Variants in LRRTM3 observed in about 807,000 individuals in gnomAD.
LRRTM3 encodes leucine-rich repeat transmembrane neuronal protein 3.
LRRTM3 carries 24 observed loss-of-function variants against 44.7 expected under a neutral mutation model. That is an observed-to-expected ratio of 0.54 (90% CI 0.39 to 0.76). The LOEUF (loss-of-function observed/expected upper bound fraction) is 0.76. Among genes scored for constraint, LRRTM3 ranks in the 30% least tolerant of loss-of-function variants. The probability of loss-of-function intolerance (pLI) is 0.00; values close to 1 mark genes in which losing one functional copy is unlikely to be tolerated. For synonymous variants in LRRTM3, 277 were observed against 278.7 expected (o/e 0.99, Z 0.06); for missense variants, 587 against 702.2 (o/e 0.84, Z 1.85).
intron 2 of LRRTM3, among the ~76,000 whole-genome samples, chr10:67,021,576 T>C (rs1345851975): frequency 1.3e-5 from 2 of 152,062 alleles, no homozygotes; most frequent in Non-Finnish European, 2.9e-5. Context: ...AAAATTATAA[T>C]CATGAAAGTT....
At chr10:66,972,532 C>T (rs1429547822) in intron 2 of LRRTM3, among the ~76,000 whole-genome samples, 6 of 151,844 alleles carry the variant, frequency 4.0e-5, no homozygotes, top group East Asian at 1.9e-4. Flanking sequence ...CATTTGCTCT[C>T]GGAGAATAGT....
chr10:67,029,076 C>T (rs1333995279), intron 2 of LRRTM3, among the ~76,000 whole-genome samples: 1 of 152,108 alleles, frequency 6.6e-6, no homozygotes, highest in Admixed American at 6.6e-5. Context: ...GAGCACACTA[C>T]GGTGAGTTCA....
intron 2 of LRRTM3, among the ~76,000 whole-genome samples, chr10:66,948,922 G>T (rs943401046): frequency 8.5e-5 from 13 of 152,098 alleles, no homozygotes; most frequent in African/African-American, 2.7e-4. Flanking sequence ...ATTAGGCTTT[G>T]TATTAATTTT....
chr10:67,054,731 A>C (rs2133198626), intron 2 of LRRTM3: 1 of 152,252 alleles, frequency 6.6e-6, no homozygotes, highest in South Asian at 2.1e-4. Flanking sequence ...CAATCGAAGT[A>C]CAACACTTCT....
intron 2 of LRRTM3, among the ~76,000 whole-genome samples, chr10:67,059,100 T>A (rs1282468293): frequency 1.3e-5 from 2 of 152,198 alleles, no homozygotes; most frequent in Non-Finnish European, 2.9e-5. Flanking sequence ...GTCTTGAGAA[T>A]CTAATCCTTT....
At chr10:66,976,253 G>T (rs544693138) in intron 2 of LRRTM3, among the ~76,000 whole-genome samples, 33 of 152,242 alleles carry the variant, frequency 2.2e-4, no homozygotes, top group African/African-American at 7.9e-4. Context: ...CATAGAAATG[G>T]AATGGCGGCA....
chr10:66,941,868 TA>T (rs1017576737), intron 2 of LRRTM3, among the ~76,000 whole-genome samples: 1 of 152,152 alleles, frequency 6.6e-6, no homozygotes, highest in South Asian at 2.1e-4. Flanking sequence ...GAGGATGACC[TA>T]AAAAAACCAC....
chr10:66,943,193 G>A (rs935741272), intron 2 of LRRTM3, among the ~76,000 whole-genome samples: 1 of 152,192 alleles, frequency 6.6e-6, no homozygotes, highest in African/African-American at 2.4e-5. Context: ...GAAAAGAGCA[G>A]AGACGAGAAA....
At chr10:67,088,734 G>C (rs568552590) in intron 2 of LRRTM3, among the ~76,000 whole-genome samples, 1 of 151,892 alleles carries the variant, frequency 6.6e-6, no homozygotes, top group African/African-American at 2.4e-5. Flanking sequence ...ACCACTAAAA[G>C]AATTATTATT....
At position 67,084,052 on chromosome 10, in the gene LRRTM3, T is replaced by C. The variant is rs181480900; in HGVS notation, c.1537-13535T>C. 4.2e-3 allele frequency among the ~76,000 whole-genome samples: 646 copies of C among 152,238 alleles called. 4 individuals carry two copies. The highest frequency in any genetic ancestry group is 0.017 in the Middle Eastern group (5 of 294). Reference sequence around the variant, plus strand: ...TTTGCAACACTTTTCAGGGAGAAGGTAGGATCAGGAGCTCCAGTGTTTCCT... The same window carrying C: ...TTTGCAACACTTTTCAGGGAGAAGGCAGGATCAGGAGCTCCAGTGTTTCCT... On this transcript the variant is annotated intron_variant, in intron 2 of 2. Transcript: ENST00000361320.
chr10:66,978,098 T>C (rs778385806), intron 2 of LRRTM3, among the ~76,000 whole-genome samples: 1 of 151,540 alleles, frequency 6.6e-6, no homozygotes, highest in African/African-American at 2.4e-5. Flanking sequence ...ACACATGCGA[T>C]GACGTTCCTG....
chr10:67,058,053 G>A (rs1274180392), intron 2 of LRRTM3, among the ~76,000 whole-genome samples: 1 of 152,076 alleles, frequency 6.6e-6, no homozygotes, highest in Non-Finnish European at 1.5e-5. Context: ...GTGTCCCCAA[G>A]ACCTGTCATG....
Position 67,097,574 on chromosome 10 carries a change from C to T in LRRTM3, c.1537-13C>T. On this transcript the variant is annotated splice_polypyrimidine_tract_variant and intron_variant, in intron 2 of 2. Coordinates refer to ENST00000361320, the MANE Select transcript of LRRTM3 (RefSeq NM_178011.5). Reference sequence around the variant, plus strand: ...TTTTTATAACTGACTTTTCTCATGTCATTTTTCCCCAGATACCTTTATCAA... The same window carrying T: ...TTTTTATAACTGACTTTTCTCATGTTATTTTTCCCCAGATACCTTTATCAA... 6.2e-7 allele frequency: 1 copy of T among 1,609,998 alleles called. No individual in the cohort carries two copies. The highest frequency in any genetic ancestry group is 8.5e-7 in the Non-Finnish European group (1 of 1,177,342).
In LRRTM3 at chr10:66,936,173, C is replaced by T. The variant is rs16923801; in HGVS notation, c.1536+7721C>T. ...ATTTTTATGGGCTTTACTCTGGTCA[C>T]TTTTATGGTCTAACACACACAGATG... On this transcript the variant is annotated intron_variant, in intron 2 of 2. Coordinates refer to ENST00000361320, the MANE Select transcript of LRRTM3 (RefSeq NM_178011.5). Among the ~76,000 whole-genome samples, 1,431 of 152,212 alleles carry T rather than the reference C, an allele frequency of 9.4e-3. 95 individuals are homozygous for T. Among genetic ancestry groups the T allele is most frequent in the Admixed American group, 0.082 (1,256 of 15,250 alleles).
At chr10:67,076,794 AC>A (rs1432599060) in intron 2 of LRRTM3, among the ~76,000 whole-genome samples, 1 of 152,188 alleles carries the variant, frequency 6.6e-6, no homozygotes, top group Non-Finnish European at 1.5e-5. Context: ...TGTTCAACTT[AC>A]CTTTAGAAAA....
chr10:67,008,659 C>A (rs1852147026), intron 2 of LRRTM3, among the ~76,000 whole-genome samples: 1 of 152,154 alleles, frequency 6.6e-6, no homozygotes, highest in African/African-American at 2.4e-5. Context: ...CTGGCTCTTA[C>A]AAGCTTGTTG....
At chr10:67,060,830 A>G (rs1855715309) in intron 2 of LRRTM3, among the ~76,000 whole-genome samples, 1 of 148,944 alleles carries the variant, frequency 6.7e-6, no homozygotes. Context: ...GTGTACATAT[A>G]TGACATGAAA....
At chr10:67,054,774 A>C (rs1855323346) in intron 2 of LRRTM3, 1 of 152,120 alleles carries the variant, frequency 6.6e-6, no homozygotes, top group South Asian at 2.1e-4. Context: ...GAGAGATCTT[A>C]TCTCTCTTAA....
intron 2 of LRRTM3, among the ~76,000 whole-genome samples, chr10:67,057,655 A>C (rs1217172302): frequency 6.6e-6 from 1 of 152,084 alleles, no homozygotes; most frequent in Non-Finnish European, 1.5e-5. Flanking sequence ...TTACTTCAAG[A>C]AGCACCCTCA....
Sources: allele counts gnomAD v4.1 joint callset (sites outside exome capture counted in the v4.1 genomes callset), GRCh38; gene constraint gnomAD v4.1.1; transcripts MANE v1.5; gene names NCBI Gene and HGNC (gene_info 2026-07-23, HGNC 2026-07-21).